NAALADL2: variants seen among roughly 807,000 people sequenced by gnomAD.
NAALADL2 encodes the protein N-acetylated alpha-linked acidic dipeptidase like 2.
Under a neutral mutation model 87.2 loss-of-function variants are expected in NAALADL2, and 76 were observed. The ratio of observed to expected loss-of-function variants is 0.87; its 90% confidence interval spans 0.72 to 1.05. The LOEUF (loss-of-function observed/expected upper bound fraction) is 1.05. Ranked by LOEUF, NAALADL2 falls within the 50% of genes least tolerant of loss-of-function variation. The pLI is 0.00. For missense variants in NAALADL2, 1,089 were observed against 945.8 expected (o/e 1.15, Z -1.99); for synonymous variants, 354 against 331.0 (o/e 1.07, Z -0.75).
At chr3:174,671,957 TGATGAC>T (rs1228585185) in intron 2 of NAALADL2, among the ~76,000 whole-genome samples, 9 of 151,746 alleles carry the variant, frequency 5.9e-5, no homozygotes, top group East Asian at 1.9e-4. Flanking sequence ...ATGATGATGA[TGATGAC>T]AGTGGTGATG....
intron 2 of NAALADL2, among the ~76,000 whole-genome samples, chr3:174,710,517 G>A (rs1255644859): frequency 2.0e-5 from 3 of 152,102 alleles, no homozygotes; most frequent in Non-Finnish European, 4.4e-5. Context: ...GCCTCCCAAA[G>A]TGCTGGGATT....
intron 1 of NAALADL2, among the ~76,000 whole-genome samples, chr3:174,903,061 GT>G (rs140781071): frequency 0.011 from 1,683 of 152,062 alleles, 34 homozygotes; most frequent in African/African-American, 0.039. Flanking sequence ...AATTTCTCAA[GT>G]TTTCCCCCCC....
chr3:175,271,721 G>T (rs1250717621), intron 4 of NAALADL2, among the ~76,000 whole-genome samples: 1 of 152,194 alleles, frequency 6.6e-6, no homozygotes, highest in Non-Finnish European at 1.5e-5. Flanking sequence ...GAACAAGGGG[G>T]GAGGCAGAGG....
chr3:175,224,028 T>G (rs1225630817), intron 2 of NAALADL2, among the ~76,000 whole-genome samples: 2 of 152,112 alleles, frequency 1.3e-5, no homozygotes, highest in Admixed American at 1.3e-4. Context: ...GGTTTAAGTT[T>G]TGAAGAGAAG....
intron 1 of NAALADL2, among the ~76,000 whole-genome samples, chr3:174,960,301 A>G (rs112792610): frequency 0.051 from 7,696 of 152,194 alleles, 362 homozygotes; most frequent in African/African-American, 0.12. Context: ...GAATTAGTAT[A>G]GAAAATATCA....
rs73033687 is a variant in NAALADL2 at position 175,448,155 on chromosome 3, G to A, written c.1234+783G>A. 3.5e-3 allele frequency among the ~76,000 whole-genome samples: 535 copies of A among 152,288 alleles called. 1 individual carries two copies. The highest frequency in any genetic ancestry group is 0.012 in the African/African-American group (506 of 41,568). On this transcript the variant is annotated intron_variant, in intron 6 of 13. Coordinates refer to ENST00000454872, the MANE Select transcript of NAALADL2 (RefSeq NM_207015.3). Reference sequence around the variant, plus strand: ...TGAAGAAATATGTACAAAAAAATCTGAATACATTAAGGATTTCTCTGTTAG... The same window carrying A: ...TGAAGAAATATGTACAAAAAAATCTAAATACATTAAGGATTTCTCTGTTAG...
intron 4 of NAALADL2, among the ~76,000 whole-genome samples, chr3:175,279,837 G>A (rs942154917): frequency 1.3e-5 from 2 of 150,174 alleles, no homozygotes; most frequent in African/African-American, 2.4e-5. Flanking sequence ...TAATAAAGAT[G>A]TAAACTGCAG....
chr3:175,061,761 A>C (rs1005126399), intron 1 of NAALADL2, among the ~76,000 whole-genome samples: 2 of 149,182 alleles, frequency 1.3e-5, no homozygotes, highest in African/African-American at 4.9e-5. Flanking sequence ...ATAGTTTTAT[A>C]CACCACAAAA....
chr3:175,419,337 T>G (rs1321634664), intron 5 of NAALADL2, among the ~76,000 whole-genome samples: 1 of 151,912 alleles, frequency 6.6e-6, no homozygotes, highest in East Asian at 1.9e-4. Context: ...TCCTCTGTTT[T>G]ATATTTCTCA....
At chr3:175,220,063 G>A (rs962874704) in intron 2 of NAALADL2, among the ~76,000 whole-genome samples, 15 of 151,266 alleles carry the variant, frequency 9.9e-5, no homozygotes, top group African/African-American at 3.6e-4. Flanking sequence ...AATCATCCTT[G>A]CATTACTAAA....
At chr3:174,667,236 G>T (rs1191050014) in intron 2 of NAALADL2, among the ~76,000 whole-genome samples, 1 of 152,126 alleles carries the variant, frequency 6.6e-6, no homozygotes. Flanking sequence ...CGAAATGCAG[G>T]TTTATTTGCT....
At chr3:174,910,538 A>G (rs1019012643) in intron 1 of NAALADL2, among the ~76,000 whole-genome samples, 1 of 152,018 alleles carries the variant, frequency 6.6e-6, no homozygotes, top group Non-Finnish European at 1.5e-5. Flanking sequence ...ATGGTGAGGT[A>G]ATTTATTTGG....
At chr3:175,315,606 A>G (rs115893827) in intron 4 of NAALADL2, among the ~76,000 whole-genome samples, 3,353 of 152,304 alleles carry the variant, frequency 0.022, 103 homozygotes, top group African/African-American at 0.078. Context: ...CTGTATGATT[A>G]TGCAATTGTC....
intron 2 of NAALADL2, among the ~76,000 whole-genome samples, chr3:174,616,349 C>T (rs373723355): frequency 2.0e-5 from 3 of 151,972 alleles, no homozygotes; most frequent in Admixed American, 6.6e-5. Context: ...CACTGAAGAC[C>T]TTTGAAACAT....
intron 10 of NAALADL2, among the ~76,000 whole-genome samples, chr3:175,605,505 A>T (rs7646143): frequency 0.74 from 112,395 of 151,454 alleles, 41,963 homozygotes; most frequent in East Asian, 0.88. Context: ...CAGAAAAAAG[A>T]TAATTTAAAT....
intron 3 of NAALADL2, among the ~76,000 whole-genome samples, chr3:174,778,336 T>C (rs1212429243): frequency 6.6e-6 from 1 of 152,004 alleles, no homozygotes; most frequent in Non-Finnish European, 1.5e-5. Context: ...AACCTTAGGG[T>C]AATTATGAAG....
At chr3:175,275,714 A>G (rs532620687) in intron 4 of NAALADL2, among the ~76,000 whole-genome samples, 23 of 152,188 alleles carry the variant, frequency 1.5e-4, no homozygotes, top group African/African-American at 5.1e-4. Flanking sequence ...AATTTAACCA[A>G]TATAAAATGT....
At chr3:174,568,778 T>C (rs1182619799) in intron 2 of NAALADL2, among the ~76,000 whole-genome samples, 1 of 151,894 alleles carries the variant, frequency 6.6e-6, no homozygotes, top group East Asian at 1.9e-4. Context: ...TTAGGTACAA[T>C]TGCTGAAGGT....
intron 11 of NAALADL2, chr3:175,718,744 A>T: frequency 9.4e-7 from 1 of 1,063,836 alleles, no homozygotes; most frequent in South Asian, 1.4e-5. Flanking sequence ...TGGGCAACAT[A>T]GCAAGACTCT....
Sources: allele counts gnomAD v4.1 joint callset (sites outside exome capture counted in the v4.1 genomes callset), GRCh38; gene constraint gnomAD v4.1.1; transcripts MANE v1.5; gene names NCBI Gene and HGNC (gene_info 2026-07-23, HGNC 2026-07-21).